Variants in PTPRT observed in about 807,000 individuals in gnomAD.
PTPRT encodes the protein receptor-type tyrosine-protein phosphatase T.
PTPRT carries 56 observed loss-of-function variants against 176.8 expected under a neutral mutation model. The observed-to-expected ratio is 0.32, with a 90% CI of 0.26 to 0.40. The LOEUF (loss-of-function observed/expected upper bound fraction) is 0.40. Among genes scored for constraint, PTPRT ranks in the 10% least tolerant of loss-of-function variants. The probability of loss-of-function intolerance (pLI) is 1.00; values close to 1 mark genes in which losing one functional copy is unlikely to be tolerated. For missense variants in PTPRT, 1,540 were observed against 1,908.2 expected (o/e 0.81, Z 3.60); for synonymous variants, 783 against 739.0 (o/e 1.06, Z -0.96).
intron 9 of PTPRT, among the ~76,000 whole-genome samples, chr20:42,372,533 C>T (rs185698752): frequency 2.0e-5 from 3 of 152,214 alleles, no homozygotes; most frequent in African/African-American, 7.2e-5. Context: ...GGTCCACCCA[C>T]CTCAGCCTCC....
chr20:42,152,648 A>G (rs1369405980), intron 17 of PTPRT, among the ~76,000 whole-genome samples: 1 of 152,192 alleles, frequency 6.6e-6, no homozygotes, highest in African/African-American at 2.4e-5. Context: ...CCCAGCTGTG[A>G]GTCTACAATC....
At chr20:42,790,224 TAAA>T (rs3091721) in intron 3 of PTPRT, among the ~76,000 whole-genome samples, 2 of 144,136 alleles carry the variant, frequency 1.4e-5, no homozygotes, top group African/African-American at 2.5e-5. Flanking sequence ...ATAACATTGT[TAAA>T]AAAAAAAAAA....
rs536636470 is a variant in PTPRT, at chr20:42,130,741, C to T, written c.2771-1911G>A. 2.6e-5 allele frequency among the ~76,000 whole-genome samples: 4 copies of T among 152,248 alleles called. No individual in the cohort carries two copies. In the South Asian group the frequency reaches 8.3e-4, roughly 32 times the overall value. On this transcript the variant is annotated intron_variant, in intron 18 of 30. Transcript: ENST00000373187. The stretch of plus-strand genomic sequence containing the variant: ...ACTAAATGCGACTTTTCTTACTCAT[C>T]AGGGGGAAGTTTCAGCAGAAGCAAC...
At chr20:42,926,624 A>T (rs982659710) in intron 1 of PTPRT, among the ~76,000 whole-genome samples, 1 of 152,134 alleles carries the variant, frequency 6.6e-6, no homozygotes, top group Non-Finnish European at 1.5e-5. Flanking sequence ...AGTGCATCAG[A>T]GCCACACACG....
intron 27 of PTPRT, among the ~76,000 whole-genome samples, chr20:42,094,845 G>A (rs1364188344): frequency 6.6e-6 from 1 of 152,120 alleles, no homozygotes; most frequent in Non-Finnish European, 1.5e-5. Flanking sequence ...TCGCGCCACT[G>A]CACTCCAGCC....
intron 7 of PTPRT, among the ~76,000 whole-genome samples, chr20:42,553,189 T>C (rs1568972322): frequency 1.3e-5 from 2 of 152,306 alleles, no homozygotes; most frequent in African/African-American, 2.4e-5. Flanking sequence ...AATTCAATGA[T>C]AGGCTAGCTC....
At chr20:42,204,981 T>A (rs1316219098) in intron 15 of PTPRT, among the ~76,000 whole-genome samples, 1 of 150,212 alleles carries the variant, frequency 6.7e-6, no homozygotes, top group East Asian at 2.0e-4. Context: ...TTTCTTTTTT[T>A]TTTTTTATTA....
intron 7 of PTPRT, among the ~76,000 whole-genome samples, chr20:42,618,092 C>T (rs2074116050): frequency 7.4e-6 from 1 of 135,696 alleles, no homozygotes; most frequent in Non-Finnish European, 1.5e-5. Context: ...TAGAAATTTC[C>T]CTCTACACAC....
At chr20:43,017,561 T>C (rs1381979708) in intron 1 of PTPRT, among the ~76,000 whole-genome samples, 1 of 152,190 alleles carries the variant, frequency 6.6e-6, no homozygotes, top group African/African-American at 2.4e-5. Flanking sequence ...CTCTCCCTTG[T>C]CACCCTCCCC....
intron 1 of PTPRT, among the ~76,000 whole-genome samples, chr20:43,116,087 C>T (rs1445205606): frequency 1.3e-5 from 2 of 152,212 alleles, no homozygotes; most frequent in Admixed American, 1.3e-4. Flanking sequence ...ACCTTGGCCT[C>T]ATTAGCACCA....
chr20:42,044,466 C>A, the PTPRT span, among the ~76,000 whole-genome samples: 9 of 152,324 alleles, frequency 5.9e-5, no homozygotes, highest in Admixed American at 2.6e-4. Flanking sequence ...GGGCATAGAG[C>A]CTGGCACAAG....
At chr20:42,100,207 G>A (rs1300470980) in intron 26 of PTPRT, among the ~76,000 whole-genome samples, 2 of 152,176 alleles carry the variant, frequency 1.3e-5, no homozygotes, top group East Asian at 1.9e-4. Flanking sequence ...TGTGATAAAC[G>A]CTCTATTAGG....
intron 1 of PTPRT, among the ~76,000 whole-genome samples, chr20:42,890,643 G>A (rs1267535853): frequency 6.6e-6 from 1 of 152,108 alleles, no homozygotes; most frequent in African/African-American, 2.4e-5. Context: ...CCTGGACCGA[G>A]AACAGAAAAC....
intron 7 of PTPRT, among the ~76,000 whole-genome samples, chr20:42,649,710 C>CA (rs1412351814): frequency 2.0e-5 from 3 of 152,116 alleles, no homozygotes; most frequent in Admixed American, 6.5e-5. Context: ...TGATTTACTG[C>CA]AAAAAGTGTT....
intron 30 of PTPRT, among the ~76,000 whole-genome samples, chr20:42,081,234 A>G (rs556955226): frequency 6.6e-6 from 1 of 152,266 alleles, no homozygotes; most frequent in African/African-American, 2.4e-5. Flanking sequence ...AATCTTTTTA[A>G]AATGCACATT....
the PTPRT span, among the ~76,000 whole-genome samples, chr20:42,055,669 C>A: frequency 2.0e-5 from 3 of 151,896 alleles, no homozygotes; most frequent in African/African-American, 7.3e-5. Context: ...GGAGATGGTG[C>A]CAGGACTTAG....
the PTPRT span, among the ~76,000 whole-genome samples, chr20:42,064,814 T>C: frequency 6.6e-6 from 1 of 152,236 alleles, no homozygotes; most frequent in East Asian, 1.9e-4. Context: ...CCTCTTCTCT[T>C]GAATCACTGC....
intron 2 of PTPRT, among the ~76,000 whole-genome samples, chr20:42,831,781 T>A (rs1240304012): frequency 6.6e-6 from 1 of 152,144 alleles, no homozygotes; most frequent in Non-Finnish European, 1.5e-5. Context: ...AAAAACTCAT[T>A]ATCACTGATC....
At chr20:42,639,939 T>C (rs1181601844) in intron 7 of PTPRT, among the ~76,000 whole-genome samples, 1 of 151,970 alleles carries the variant, frequency 6.6e-6, no homozygotes, top group African/African-American at 2.4e-5. Flanking sequence ...AGAAAATCCC[T>C]CTCCCCCCAA....
Sources: gnomAD v4.1 joint callset for allele counts (sites outside exome capture counted in the v4.1 genomes callset) on GRCh38, gnomAD v4.1.1 for gene constraint, MANE v1.5 for transcripts, NCBI Gene and HGNC (gene_info 2026-07-23, HGNC 2026-07-21) for gene names.